Variants in SMIM31 observed in about 807,000 individuals in gnomAD.
SMIM31 encodes the protein small integral membrane protein 31, also known as human epithelial cell program regulator.
intron 1 of SMIM31, among the ~76,000 whole-genome samples, chr4:164,762,750 A>G (rs1425352953): frequency 6.6e-6 from 1 of 152,156 alleles, no homozygotes; most frequent in Non-Finnish European, 1.5e-5. Flanking sequence ...CTGCTATAAA[A>G]CAATGTACAG....
intron 1 of SMIM31, among the ~76,000 whole-genome samples, chr4:164,765,758 A>AT (rs1350929506): frequency 1.3e-5 from 2 of 152,046 alleles, no homozygotes; most frequent in East Asian, 1.9e-4. Context: ...TATCTCACAG[A>AT]TTTTTTTCAG....
intron 1 of SMIM31, among the ~76,000 whole-genome samples, chr4:164,754,931 GAT>G (rs1466407029): frequency 6.7e-6 from 1 of 150,058 alleles, no homozygotes; most frequent in East Asian, 2.0e-4. Flanking sequence ...TCCTGAGTAT[GAT>G]AGAAATATTT....
At chr4:164,777,716 T>C (rs760157771) in intron 2 of SMIM31, among the ~76,000 whole-genome samples, 1 of 152,200 alleles carries the variant, frequency 6.6e-6, no homozygotes, top group African/African-American at 2.4e-5. Flanking sequence ...TGCCAGACAC[T>C]CCCTTCCAGA....
At chr4:164,796,916 G>C (rs993242793) in intron 2 of SMIM31, among the ~76,000 whole-genome samples, 5 of 152,124 alleles carry the variant, frequency 3.3e-5, no homozygotes, top group African/African-American at 1.2e-4. Context: ...TTCCTACAAT[G>C]ACTAACAGAG....
Position 164,754,551 on chromosome 4 carries a change from A to ATT in SMIM31, c.-26+164_-26+165dup, listed in dbSNP as rs57916805. 377 of 55,516 alleles carry ATT rather than the reference A, an allele frequency of 6.8e-3. 8 individuals carry two copies. The highest frequency in any genetic ancestry group is 0.018 in the African/African-American group (229 of 12,530). The allele number at this position is 55,516 out of a possible 1,614,324, so 3.4% of individuals were successfully genotyped here. ...TTACTTATTGTTCTTTCCTGGAGGT[A>ATT]TTTTTTTTTTTTTTTTTTTTTTTTT... On this transcript the variant is annotated intron_variant, in intron 1 of 2. Transcript: ENST00000507311.
chr4:164,757,194 T>C (rs1463727013), intron 1 of SMIM31, among the ~76,000 whole-genome samples: 1 of 152,218 alleles, frequency 6.6e-6, no homozygotes, highest in Non-Finnish European at 1.5e-5. Context: ...CTTAGGTTTA[T>C]TGGTCATTTG....
chr4:164,776,757 A>T (rs1732884334), intron 2 of SMIM31, among the ~76,000 whole-genome samples: 1 of 152,292 alleles, frequency 6.6e-6, no homozygotes, highest in African/African-American at 2.4e-5. Flanking sequence ...ATAAATTAAT[A>T]AATACCTAGA....
At chr4:164,798,667 T>G (rs1447832699) in intron 2 of SMIM31, among the ~76,000 whole-genome samples, 1 of 152,182 alleles carries the variant, frequency 6.6e-6, no homozygotes, top group Non-Finnish European at 1.5e-5. Context: ...ATAATTCCAT[T>G]TAAGTCCGAA....
At chr4:164,784,898 G>GTTTTT (rs1560829979) in intron 2 of SMIM31, among the ~76,000 whole-genome samples, 1 of 81,534 alleles carries the variant, frequency 1.2e-5, no homozygotes, top group Non-Finnish European at 2.5e-5. Flanking sequence ...TATTTGTTTG[G>GTTTTT]GTTTTTTTTT....
intron 2 of SMIM31, among the ~76,000 whole-genome samples, chr4:164,779,574 C>A (rs1460956754): frequency 1.3e-5 from 2 of 152,098 alleles, no homozygotes; most frequent in Non-Finnish European, 2.9e-5. Flanking sequence ...TCTCTGAATA[C>A]AATGACTCTT....
intron 2 of SMIM31, among the ~76,000 whole-genome samples, chr4:164,800,779 T>G (rs1414842265): frequency 2.0e-5 from 3 of 152,180 alleles, no homozygotes; most frequent in Non-Finnish European, 4.4e-5. Flanking sequence ...TCAATCTTAG[T>G]GCTCTTTCTG....
At chr4:164,781,060 C>G (rs1043081441) in intron 2 of SMIM31, among the ~76,000 whole-genome samples, 8 of 152,064 alleles carry the variant, frequency 5.3e-5, no homozygotes, top group East Asian at 3.9e-4. Flanking sequence ...TGTCCCACCT[C>G]CACCTCTCAA....
intron 2 of SMIM31, among the ~76,000 whole-genome samples, chr4:164,772,894 A>C (rs576683876): frequency 6.6e-6 from 1 of 150,812 alleles, no homozygotes; most frequent in African/African-American, 2.4e-5. Flanking sequence ...TGAAGTTTTA[A>C]ACTTTACCAT....
At chr4:164,795,798 G>A (rs889135639) in intron 2 of SMIM31, among the ~76,000 whole-genome samples, 1 of 152,062 alleles carries the variant, frequency 6.6e-6, no homozygotes, top group Non-Finnish European at 1.5e-5. Context: ...TTTAATAACT[G>A]TTTACTAATT....
chr4:164,754,251 A>G lies in SMIM31; in HGVS notation c.-186A>G, dbSNP rs549349516. 1 of 152,268 alleles carries G rather than the reference A, an allele frequency of 6.6e-6. No homozygotes were observed. The highest frequency in any genetic ancestry group is 1.9e-4 in the East Asian group (1 of 5,176). 9.4% of individuals were successfully genotyped at this position (152,268 alleles called of 1,614,324 possible). A position where few individuals can be genotyped will look rare whatever the true frequency, so the allele number is the denominator to read the frequency against. ...AGTAAGCCTTGGTTAGTGAAGTGGC[A>G]TCAGGAAGTGCCTACATTTTCATGG... is the stretch of plus-strand genomic sequence containing the variant. On this transcript the variant is annotated 5_prime_UTR_variant, in exon 1 of 3. Transcript: ENST00000507311.
At chr4:164,761,355 C>T (rs1280608570) in intron 1 of SMIM31, among the ~76,000 whole-genome samples, 9 of 152,134 alleles carry the variant, frequency 5.9e-5, no homozygotes, top group Admixed American at 5.9e-4. Flanking sequence ...ATTACTGAGT[C>T]ATTCATCCTT....
At chr4:164,787,266 A>G (rs1394728894) in intron 2 of SMIM31, 3 of 152,054 alleles carry the variant, frequency 2.0e-5, no homozygotes, top group Non-Finnish European at 4.4e-5. Context: ...TTAAACTACT[A>G]TAAGATGTTT....
intron 1 of SMIM31, among the ~76,000 whole-genome samples, chr4:164,759,806 A>G (rs1732621311): frequency 6.6e-6 from 1 of 152,194 alleles, no homozygotes; most frequent in Non-Finnish European, 1.5e-5. Flanking sequence ...ATGAAGCTTA[A>G]ATTCTATTAT....
At chr4:164,767,233 C>T (rs1273606164) in intron 1 of SMIM31, among the ~76,000 whole-genome samples, 2 of 151,978 alleles carry the variant, frequency 1.3e-5, no homozygotes, top group African/African-American at 2.4e-5. Flanking sequence ...ATGGTAGGGT[C>T]GGGATAGTCT....
Sources: gnomAD v4.1 joint callset for allele counts (sites outside exome capture counted in the v4.1 genomes callset) on GRCh38, gnomAD v4.1.1 for gene constraint, MANE v1.5 for transcripts, NCBI Gene and HGNC (gene_info 2026-07-23, HGNC 2026-07-21) for gene names.